Variants in GSE1 observed in about 807,000 individuals in gnomAD.
GSE1 encodes genetic suppressor element 1.
In GSE1, 32 loss-of-function variants were observed where a neutral mutation model predicts 112.6. The observed-to-expected ratio is 0.28, with a 90% CI of 0.21 to 0.38. The LOEUF is 0.38. Among genes scored for constraint, GSE1 ranks in the 10% least tolerant of loss-of-function variants. The probability of loss-of-function intolerance (pLI) is 1.00; values close to 1 mark genes in which losing one functional copy is unlikely to be tolerated. For synonymous variants in GSE1, 1,115 were observed against 735.6 expected (o/e 1.52, Z -8.35); for missense variants, 2,348 against 1,699.2 (o/e 1.38, Z -6.71).
At chr16:85,556,083 A>G (rs2045195577) in exon 1 of GSE1, 1 of 983,828 alleles carries the variant, frequency 1.0e-6, no homozygotes, top group Non-Finnish European at 1.2e-6. Context: ...GCCAGGGCCA[A>G]GGTGGCCGAA....
chr16:85,528,127 C>G (rs879724031), intron 2 of GSE1, among the ~76,000 whole-genome samples: 4 of 152,240 alleles, frequency 2.6e-5, no homozygotes, highest in Non-Finnish European at 5.9e-5. Context: ...ACTGTTCTAA[C>G]CTGGGTGTGT....
Position 85,671,023 on chromosome 16 carries a change from G to T in GSE1, c.3444G>T (p.Gln1148His). The T allele has an allele frequency of 6.2e-7, 1 of 1,611,924 alleles. No individual in the cohort carries two copies. Among genetic ancestry groups the T allele is most frequent in the Non-Finnish European group, 8.5e-7 (1 of 1,178,102 alleles). The change falls in exon 15 of 16, where the codon CAG (glutamine) becomes CAT (histidine). Residue 1148 changes from glutamine to histidine, a missense_variant. Transcript: ENST00000253458. ...EEQNLERQVL[Q>H]TQCRRLEARH... ...AAAATCTGGAGCGGCAGGTGTTACA[G>T]ACACAATGTAGACGACTGGAGGCCC...
At chr16:85,670,103 T>G (rs2053207966) in intron 14 of GSE1, among the ~76,000 whole-genome samples, 1 of 152,276 alleles carries the variant, frequency 6.6e-6, no homozygotes, top group Non-Finnish European at 1.5e-5. Context: ...ACATCATTTT[T>G]GGACGTGAAG....
At chr16:85,330,851 C>G (rs2046324505) in intron 1 of GSE1, among the ~76,000 whole-genome samples, 1 of 152,100 alleles carries the variant, frequency 6.6e-6, no homozygotes, top group Non-Finnish European at 1.5e-5. Flanking sequence ...CCCTTCTTAC[C>G]CCAGGCTTGG....
intron 2 of GSE1, among the ~76,000 whole-genome samples, chr16:85,512,419 G>A (rs571310590): frequency 6.6e-6 from 1 of 152,296 alleles, no homozygotes; most frequent in South Asian, 2.1e-4. Flanking sequence ...GCTTCTGCGA[G>A]CCAGGACAGC....
chr16:85,224,301 C>CAAAAAAAAAAAAAAAAAAAAAAA (rs55755242), intron 1 of GSE1, among the ~76,000 whole-genome samples: 1 of 38,814 alleles, frequency 2.6e-5, no homozygotes, highest in African/African-American at 1.1e-4. Context: ...ACTAAAAATA[C>CAAAAAAAAAAAAAAAAAAAAAAA]AAAAAAAAAA....
intron 2 of GSE1, among the ~76,000 whole-genome samples, chr16:85,375,770 C>T (rs1597526660): frequency 6.6e-6 from 1 of 152,328 alleles, no homozygotes; most frequent in South Asian, 2.1e-4. Flanking sequence ...GCTCCGTAGC[C>T]ACACTGCCCG....
intron 1 of GSE1, among the ~76,000 whole-genome samples, chr16:85,344,198 G>A (rs577909115): frequency 2.2e-4 from 33 of 152,166 alleles, no homozygotes; most frequent in Non-Finnish European, 3.4e-4. Flanking sequence ...CCTGCCCGGC[G>A]GGGGAGCTAG....
rs1567520725 is a variant in GSE1 at position 85,478,911 on chromosome 16, CTTTCTTTCTTTCTTTCTCTTTCTT to C, written c.2464+121270_2464+121293del. ...TCTTTCTTTCTTTCTTTCTTTCTTT[CTTTCTTTCTTTCTTTCTCTTTCTT>C]TCTTTCTTTCTTTTTTTTTCTTTCT... On this transcript the variant is annotated intron_variant, in intron 2 of 2. Coordinates refer to the GSE1 transcript ENST00000637419. 2.2e-3 allele frequency among the ~76,000 whole-genome samples: 128 copies of C among 58,660 alleles called. 9 individuals carry two copies. The highest frequency in any genetic ancestry group is 0.011 in the African/African-American group (119 of 11,190). The allele number at this position is 58,660 out of a possible 152,430, so 38.5% of individuals were successfully genotyped here.
chr16:85,275,363 G>A (rs940788065), intron 1 of GSE1, among the ~76,000 whole-genome samples: 1 of 152,206 alleles, frequency 6.6e-6, no homozygotes, highest in Non-Finnish European at 1.5e-5. Flanking sequence ...AGAGGGCACC[G>A]AGGGGCGAAG....
chr16:85,573,869 A>G (rs2046111713), intron 1 of GSE1, among the ~76,000 whole-genome samples: 1 of 152,216 alleles, frequency 6.6e-6, no homozygotes, highest in African/African-American at 2.4e-5. Context: ...ATGTTTTCCA[A>G]AGCTGAATTC....
chr16:85,514,546 C>T (rs1473398523), intron 2 of GSE1, among the ~76,000 whole-genome samples: 4 of 152,196 alleles, frequency 2.6e-5, no homozygotes, highest in East Asian at 1.9e-4. Flanking sequence ...AGAATGACAC[C>T]GCTGGAAGCT....
intron 2 of GSE1, among the ~76,000 whole-genome samples, chr16:85,454,740 G>A (rs1010310495): frequency 7.2e-5 from 11 of 152,164 alleles, no homozygotes; most frequent in African/African-American, 1.2e-4. Context: ...ACTCCTTGCC[G>A]TGTAGACGCG....
upstream of GSE1, among the ~76,000 whole-genome samples, chr16:85,553,059 T>TTC (rs1555531315): frequency 6.6e-6 from 1 of 151,876 alleles, no homozygotes; most frequent in Non-Finnish European, 1.5e-5. Context: ...CTTTTTTTTT[T>TTC]CCCCCAAGTA....
In GSE1 at chr16:85,673,799, G is replaced by A. The variant is rs1173734238; in HGVS notation, c.*1260G>A. The A allele has an allele frequency of 6.6e-6, 1 of 152,140 alleles. No individual in the cohort carries two copies. Among genetic ancestry groups the A allele is most frequent in the Non-Finnish European group, 1.5e-5 (1 of 68,024 alleles). The allele number at this position is 152,140 out of a possible 1,614,324, so 9.4% of individuals were successfully genotyped here. ...ACAGTCATGTGCACACATGGGCGGGGGCTTTTAAAAACCTTTCAGGAAGTC... is the reference window on the plus strand; with the variant it reads ...ACAGTCATGTGCACACATGGGCGGGAGCTTTTAAAAACCTTTCAGGAAGTC... On this transcript the variant is annotated 3_prime_UTR_variant, in exon 16 of 16. Coordinates refer to ENST00000253458, the MANE Select transcript of GSE1 (RefSeq NM_014615.5).
At chr16:85,639,667 G>A (rs1324923042) in intron 2 of GSE1, among the ~76,000 whole-genome samples, 7 of 152,272 alleles carry the variant, frequency 4.6e-5, no homozygotes, top group Non-Finnish European at 8.8e-5. Context: ...ACACCCTGAA[G>A]GCAGCCCTGA....
intron 2 of GSE1, among the ~76,000 whole-genome samples, chr16:85,383,486 C>A (rs904755848): frequency 6.7e-6 from 1 of 149,034 alleles, no homozygotes; most frequent in African/African-American, 2.5e-5. Context: ...AACATACACG[C>A]AGAGCTCCCA....
chr16:85,315,007 G>A (rs2045957573), intron 1 of GSE1, among the ~76,000 whole-genome samples: 1 of 152,216 alleles, frequency 6.6e-6, no homozygotes, highest in South Asian at 2.1e-4. Flanking sequence ...TGCAATCAGG[G>A]CCAGCTCAGA....
chr16:85,181,856 C>T (rs1054502319), intron 1 of GSE1, among the ~76,000 whole-genome samples: 15 of 152,180 alleles, frequency 9.9e-5, no homozygotes, highest in Non-Finnish European at 1.6e-4. Flanking sequence ...CTGGATGTCC[C>T]GAGAGCATGG....
Sources: gnomAD v4.1 joint callset for allele counts (sites outside exome capture counted in the v4.1 genomes callset) on GRCh38, gnomAD v4.1.1 for gene constraint, MANE v1.5 for transcripts, NCBI Gene and HGNC (gene_info 2026-07-23, HGNC 2026-07-21) for gene names.